TPO: variants seen among roughly 807,000 people sequenced by gnomAD.
The protein encoded by TPO is thyroid peroxidase.
TPO carries 78 observed loss-of-function variants against 96.9 expected under a neutral mutation model. The observed-to-expected ratio is 0.81, with a 90% CI of 0.67 to 0.97. The LOEUF (loss-of-function observed/expected upper bound fraction) is 0.97, where lower values mean the gene tolerates loss of function less well. Ranked by LOEUF, TPO falls within the 50% of genes least tolerant of loss-of-function variation. TPO has a pLI of 0.00. For missense variants in TPO, 1,252 were observed against 1,274.8 expected, an observed-to-expected ratio of 0.98 and a Z score of 0.27; for synonymous variants, 547 against 538.0, an observed-to-expected ratio of 1.02 and a Z score of -0.23.
At chr2:1,517,045 G>A in intron 15 of TPO, 63 bp downstream of exon 15, 5 of 1,546,328 alleles carry the variant, frequency 3.2e-6, no homozygotes, top group African/African-American at 2.7e-5. Flanking sequence ...TCTGGACATG[G>A]CTGCAATGAA....
At chr2:1,465,048 C>A (rs1046871515) in intron 7 of TPO, among the ~76,000 whole-genome samples, 4 of 152,144 alleles carry the variant, frequency 2.6e-5, no homozygotes, top group Non-Finnish European at 4.4e-5. Flanking sequence ...AGACTTAAGT[C>A]CTTGATCCAT....
intron 9 of TPO, among the ~76,000 whole-genome samples, chr2:1,485,591 C>T (rs369734855): frequency 1.3e-5 from 2 of 151,574 alleles, no homozygotes; most frequent in Non-Finnish European, 1.5e-5. Context: ...TTTTAATGAT[C>T]GCCATTCTAA....
intron 13 of TPO, among the ~76,000 whole-genome samples, chr2:1,500,621 CTCTCT>C (rs947563234): frequency 5.5e-4 from 84 of 152,284 alleles, no homozygotes; most frequent in South Asian, 3.5e-3. Context: ...GTATTCGCTG[CTCTCT>C]TCTCTATTCA....
chr2:1,433,599 ATCCAACGGGTAAT>A lies in TPO; in HGVS notation c.342_349+5del. 2 of 1,613,816 alleles carry A rather than the reference ATCCAACGGGTAAT, an allele frequency of 1.2e-6. No homozygotes were observed. The highest frequency in any genetic ancestry group is 1.7e-6 in the Non-Finnish European group (2 of 1,179,840). The stretch of plus-strand genomic sequence containing the variant: ...AACCTGAAAACTCAACAATCACAGC[ATCCAACGGGTAAT>A]GTGTGCCCCTCTCCCCACTGAGGAG... On this transcript the variant is annotated splice_donor_variant and splice_donor_5th_base_variant and coding_sequence_variant and intron_variant, in exon 4 of 17. Transcript: ENST00000329066. LOFTEE classifies it high-confidence loss of function.
At chr2:1,446,496 T>C (rs973453583) in intron 5 of TPO, among the ~76,000 whole-genome samples, 13 of 152,272 alleles carry the variant, frequency 8.5e-5, no homozygotes, top group African/African-American at 2.4e-4. Context: ...TTGGCCCTTC[T>C]TGAGGGGAGG....
chr2:1,382,795 G>A (rs1483939220), intron 1 of TPO, among the ~76,000 whole-genome samples: 4 of 152,078 alleles, frequency 2.6e-5, no homozygotes, highest in African/African-American at 7.2e-5. Context: ...TGTTACATAT[G>A]TATACATGTA....
chr2:1,510,272 A>G (rs1285156583), intron 14 of TPO, among the ~76,000 whole-genome samples: 1 of 152,152 alleles, frequency 6.6e-6, no homozygotes, highest in Non-Finnish European at 1.5e-5. Context: ...TTTCCGCATT[A>G]TTATTACAAA....
chr2:1,535,153 C>T, intron 15 of TPO, among the ~76,000 whole-genome samples: 1 of 16,560 alleles, frequency 6.0e-5, no homozygotes, highest in Non-Finnish European at 1.3e-4. Context: ...CCAAATCCCC[C>T]CCCCCCCCAT....
chr2:1,405,676 G>A (rs1361637031), intron 1 of TPO, among the ~76,000 whole-genome samples: 1 of 152,058 alleles, frequency 6.6e-6, no homozygotes, highest in Non-Finnish European at 1.5e-5. Flanking sequence ...ATTCTAATAG[G>A]GAATGTCTCC....
intron 15 of TPO, among the ~76,000 whole-genome samples, chr2:1,538,268 C>T (rs1170656183): frequency 2.0e-5 from 3 of 152,160 alleles, no homozygotes. Flanking sequence ...TAATATTTCT[C>T]ATCTTAAGGT....
intron 16 of TPO, chr2:1,541,362 G>T (rs1373186589): frequency 9.9e-6 from 2 of 201,594 alleles, no homozygotes; most frequent in Non-Finnish European, 9.0e-6. Flanking sequence ...AAAACAATAG[G>T]TTTTTTTTTT....
chr2:1,385,154 A>G (rs1661870574), intron 1 of TPO, among the ~76,000 whole-genome samples: 1 of 152,156 alleles, frequency 6.6e-6, no homozygotes, highest in Admixed American at 6.5e-5. Flanking sequence ...CATCAGGGAT[A>G]TTGGTCTAAA....
chr2:1,490,936 C>T (rs987771518), intron 10 of TPO, among the ~76,000 whole-genome samples: 4 of 152,126 alleles, frequency 2.6e-5, no homozygotes, highest in African/African-American at 7.2e-5. Context: ...CTTTGGGAGG[C>T]CGAGGCGGGC....
intron 13 of TPO, 23 bp from the exon 14 acceptor site, chr2:1,503,925 G>C (rs368465989): frequency 3.1e-6 from 5 of 1,614,168 alleles, no homozygotes; most frequent in Non-Finnish European, 4.2e-6. Context: ...CCTCTCACGT[G>C]TGTGGCCTTG....
intron 3 of TPO, among the ~76,000 whole-genome samples, chr2:1,431,331 G>T (rs1193866521): frequency 6.6e-6 from 1 of 152,122 alleles, no homozygotes; most frequent in Non-Finnish European, 1.5e-5. Flanking sequence ...CTTCCACCAT[G>T]ACTGTGGCTT....
At position 1,477,584 on chromosome 2, in the gene TPO, G is replaced by T. The variant is rs867414046; in HGVS notation, c.1318G>T (p.Val440Phe). 6.5e-7 allele frequency: 1 copy of T among 1,534,408 alleles called. No individual in the cohort carries two copies. Among genetic ancestry groups the T allele is most frequent in the Non-Finnish European group, 8.7e-7 (1 of 1,146,396 alleles). Residue 440 changes from valine (V) to phenylalanine (F), a missense_variant, in exon 8 of 17, where the codon GTC becomes TTC. Coordinates refer to ENST00000329066, the MANE Select transcript of TPO (RefSeq NM_001206744.2). Reference protein sequence around the residue: ...ADAVYQEARKVVGALHQIITL... With the variant: ...ADAVYQEARKFVGALHQIITL... The stretch of plus-strand genomic sequence containing the variant: ...CGCCGTGTACCAGGAGGCGCGCAAG[G>T]TCGTGGGCGCTCTGCACCAGGTGCG...
chr2:1,533,206 TCCCCCCATA>T (rs1678749966), intron 15 of TPO, among the ~76,000 whole-genome samples: 1 of 2,228 alleles, frequency 4.5e-4, no homozygotes, highest in Non-Finnish European at 8.7e-4. Flanking sequence ...TCTCCCCATA[TCCCCCCATA>T]TCCCCCCACT....
intron 1 of TPO, among the ~76,000 whole-genome samples, chr2:1,404,098 G>A (rs953229407): frequency 6.6e-6 from 1 of 152,224 alleles, no homozygotes; most frequent in African/African-American, 2.4e-5. Context: ...TCATGCCAAA[G>A]GTAAAACCCG....
At chr2:1,505,241 C>A (rs1163229490) in intron 14 of TPO, among the ~76,000 whole-genome samples, 1 of 151,640 alleles carries the variant, frequency 6.6e-6, no homozygotes, top group Admixed American at 6.6e-5. Flanking sequence ...CAGGCATACA[C>A]CCCCTTCCTG....
Sources: allele counts gnomAD v4.1 joint callset (sites outside exome capture counted in the v4.1 genomes callset), GRCh38; gene constraint gnomAD v4.1.1; transcripts MANE v1.5; gene names NCBI Gene and HGNC (gene_info 2026-07-23, HGNC 2026-07-21).